Variants in DOCK1 observed in about 807,000 individuals in gnomAD.
DOCK1 encodes the protein dedicator of cytokinesis protein 1.
Under a neutral mutation model 262.7 loss-of-function variants are expected in DOCK1, and 138 were observed. That is an observed-to-expected ratio of 0.53 (90% confidence interval 0.46 to 0.61). DOCK1 has a LOEUF of 0.61. DOCK1 is among the 20% of genes least tolerant of loss of function. DOCK1 has a pLI of 0.00. For synonymous variants in DOCK1, 866 were observed against 867.4 expected (o/e 1.00, Z 0.03); for missense variants, 1,908 against 2,370.7 (o/e 0.80, Z 4.05).
intron 29 of DOCK1, among the ~76,000 whole-genome samples, chr10:127,328,580 A>G (rs960645987): frequency 2.6e-5 from 4 of 151,924 alleles, no homozygotes; most frequent in African/African-American, 9.7e-5. Context: ...CGCCAGGGAC[A>G]GCAAGGACGG....
chr10:127,099,131 T>G (rs982427152), intron 23 of DOCK1, among the ~76,000 whole-genome samples: 4 of 152,142 alleles, frequency 2.6e-5, no homozygotes, highest in Admixed American at 6.5e-5. Context: ...ACTTTTTCCC[T>G]TAGTTAAGGA....
intron 27 of DOCK1, among the ~76,000 whole-genome samples, chr10:127,141,354 C>G (rs1181380096): frequency 6.6e-6 from 1 of 152,176 alleles, no homozygotes; most frequent in East Asian, 1.9e-4. Flanking sequence ...GGGCTGGGTC[C>G]TAGCAGTTGC....
At chr10:127,138,040 A>G in intron 27 of DOCK1, 1 of 1,588,026 alleles carries the variant, frequency 6.3e-7, no homozygotes, top group Non-Finnish European at 8.5e-7. Flanking sequence ...AGAGAGAGTG[A>G]AGACTTTAGC....
chr10:127,445,786 G>A (rs946023961), intron 50 of DOCK1, among the ~76,000 whole-genome samples: 4 of 152,182 alleles, frequency 2.6e-5, no homozygotes, highest in Admixed American at 2.0e-4. Context: ...TTAACAAAAT[G>A]TACGTCCAAA....
chr10:127,288,533 A>G (rs1311732008), intron 29 of DOCK1, among the ~76,000 whole-genome samples: 1 of 151,926 alleles, frequency 6.6e-6, no homozygotes, highest in Non-Finnish European at 1.5e-5. Flanking sequence ...TACATTTTCC[A>G]TAGGAAAAAA....
At chr10:127,372,957 C>G (rs1402171492) in intron 33 of DOCK1, among the ~76,000 whole-genome samples, 1 of 152,148 alleles carries the variant, frequency 6.6e-6, no homozygotes, top group Non-Finnish European at 1.5e-5. Flanking sequence ...GGCCGGAGTC[C>G]CAGTACTCAG....
At chr10:126,977,441 G>A (rs2038632109) in intron 2 of DOCK1, among the ~76,000 whole-genome samples, 2 of 152,190 alleles carry the variant, frequency 1.3e-5, no homozygotes, top group African/African-American at 4.8e-5. Context: ...TGCTACAGAA[G>A]TACTTTGTGA....
intron 29 of DOCK1, among the ~76,000 whole-genome samples, chr10:127,315,729 GTCTC>G (rs2062247592): frequency 1.3e-5 from 2 of 152,160 alleles, no homozygotes; most frequent in African/African-American, 4.8e-5. Context: ...CTGGGTTGGG[GTCTC>G]TCTCTGTCGC....
In DOCK1 at chr10:127,374,637, T is replaced by C. The variant is rs184195532; in HGVS notation, c.3675+423T>C. Among the ~76,000 whole-genome samples the C allele has an allele frequency of 1.4e-3, 212 of 152,274 alleles. 1 individual carries two copies. Among genetic ancestry groups the C allele is most frequent in the African/African-American group, 4.8e-3 (198 of 41,548 alleles). On this transcript the variant is annotated intron_variant, in intron 35 of 51. Transcript: ENST00000623213. ...GACCTTATTTGGAAACAAGAGGCCC[T>C]GCAAATATAATTAAAAAGAATCTCA... is the stretch of plus-strand genomic sequence containing the variant.
chr10:127,093,131 A>G (rs376453979), intron 23 of DOCK1, among the ~76,000 whole-genome samples: 7 of 151,658 alleles, frequency 4.6e-5, no homozygotes, highest in African/African-American at 1.7e-4. Context: ...TTGTGGCTAC[A>G]TCATGCTCGT....
chr10:126,905,539 A>C lies in DOCK1; in HGVS notation c.22A>C (p.Lys8Gln). MTRWVPTKREEKYGVAFY... is the reference protein window; with the variant it reads MTRWVPTQREEKYGVAFY... ...CGCCATGACGCGCTGGGTGCCCACC[A>C]AGCGCGAGGAGAAGTACGGCGTGGG... Residue 8 changes from lysine (K) to glutamine (Q), a missense_variant, in exon 1 of 52, where the codon AAG becomes CAG. By Grantham distance (53) the Lys-to-Gln change is moderately conservative. Around this residue, in one of 9 missense-constraint regions of DOCK1, gnomAD observed 227 missense variants for 254.1 expected, o/e 0.89. Transcript: ENST00000623213. 1 of 506,658 alleles carries C rather than the reference A, an allele frequency of 2.0e-6. No individual in the cohort carries two copies. 31.4% of individuals were successfully genotyped at this position (506,658 alleles called of 1,614,324 possible).
At chr10:127,434,104 C>A (rs1450170367) in intron 48 of DOCK1, among the ~76,000 whole-genome samples, 1 of 152,034 alleles carries the variant, frequency 6.6e-6, no homozygotes, top group Non-Finnish European at 1.5e-5. Flanking sequence ...TTCTGCCAAG[C>A]CAACTGTCAC....
chr10:127,411,713 G>T (rs12218575), intron 43 of DOCK1, among the ~76,000 whole-genome samples: 2 of 151,604 alleles, frequency 1.3e-5, no homozygotes, highest in African/African-American at 4.9e-5. Flanking sequence ...GGTGGTGCAC[G>T]CCTGTAATCC....
chr10:127,398,038 G>A (rs2067017630), intron 38 of DOCK1, among the ~76,000 whole-genome samples: 1 of 152,164 alleles, frequency 6.6e-6, no homozygotes, highest in African/African-American at 2.4e-5. Context: ...GACATGCAGT[G>A]GCTCCAGTAT....
chr10:127,203,467 C>T (rs886100565), intron 27 of DOCK1, among the ~76,000 whole-genome samples: 4 of 152,050 alleles, frequency 2.6e-5, no homozygotes, highest in East Asian at 1.9e-4. Context: ...GTATTTATTT[C>T]GCAGCGTGGC....
intron 6 of DOCK1, among the ~76,000 whole-genome samples, chr10:126,992,930 ACT>A (rs373264427): frequency 6.6e-6 from 1 of 152,196 alleles, no homozygotes; most frequent in East Asian, 1.9e-4. Flanking sequence ...ATGGAAACTC[ACT>A]CTGATTCAGA....
intron 27 of DOCK1, among the ~76,000 whole-genome samples, chr10:127,187,889 G>A (rs2489383): frequency 0.84 from 127,748 of 152,156 alleles, 54,072 homozygotes; most frequent in South Asian, 0.93. Flanking sequence ...TGTTTTAAAT[G>A]CCTAATATAA....
chr10:127,095,598 C>A (rs2047859159), intron 23 of DOCK1, among the ~76,000 whole-genome samples: 1 of 152,110 alleles, frequency 6.6e-6, no homozygotes, highest in South Asian at 2.1e-4. Flanking sequence ...TGGGCTGACC[C>A]AAAGGCCGAG....
intron 30 of DOCK1, among the ~76,000 whole-genome samples, chr10:127,342,248 TG>T (rs1187862598): frequency 1.3e-5 from 2 of 152,098 alleles, no homozygotes; most frequent in Non-Finnish European, 2.9e-5. Context: ...CTGCCGGTGC[TG>T]TGGCAAGGCT....
Sources: gnomAD v4.1 joint callset for allele counts (sites outside exome capture counted in the v4.1 genomes callset) on GRCh38, gnomAD v4.1.1 for gene constraint, gnomAD v4.1.1 regional missense constraint, MANE v1.5 for transcripts, NCBI Gene and HGNC (gene_info 2026-07-23, HGNC 2026-07-21) for gene names.